Variants in PDZD2 observed in about 807,000 individuals in gnomAD.
The protein encoded by PDZD2 is PDZ domain containing 2.
Under a neutral mutation model 220.7 loss-of-function variants are expected in PDZD2, and 90 were observed. The ratio of observed to expected loss-of-function variants is 0.41; its 90% CI spans 0.34 to 0.49. PDZD2 has a LOEUF of 0.49. Among genes scored for constraint, PDZD2 ranks in the 20% least tolerant of loss-of-function variants. The pLI, the probability that PDZD2 is intolerant of heterozygous loss-of-function variation, is 0.28. For synonymous variants in PDZD2, 1,375 were observed against 1,450.5 expected (o/e 0.95, Z 1.18); for missense variants, 3,174 against 3,608.5 (o/e 0.88, Z 3.08).
At chr5:31,930,214 TTTTTTTTTTTG>T (rs58194005) in intron 2 of PDZD2, among the ~76,000 whole-genome samples, 74,221 of 118,650 alleles carry the variant, frequency 0.63, 22,958 homozygotes, top group East Asian at 0.72. Flanking sequence ...TTTTTTTTTT[TTTTTTTTTTTG>T]GAGACAGTCT....
At chr5:31,895,460 C>T (rs1219829612) in intron 2 of PDZD2, among the ~76,000 whole-genome samples, 1 of 152,216 alleles carries the variant, frequency 6.6e-6, no homozygotes, top group African/African-American at 2.4e-5. Context: ...GTACCTTGAT[C>T]TTGGCCTTCC....
intron 2 of PDZD2, among the ~76,000 whole-genome samples, chr5:31,910,006 C>T (rs564914737): frequency 2.0e-5 from 3 of 152,232 alleles, no homozygotes; most frequent in Admixed American, 2.0e-4. Flanking sequence ...TTTATGGATG[C>T]GTTTACTACG....
chr5:31,730,186 A>G (rs1749441774), intron 1 of PDZD2, among the ~76,000 whole-genome samples: 1 of 152,192 alleles, frequency 6.6e-6, no homozygotes, highest in African/African-American at 2.4e-5. Context: ...ATGTACTTCT[A>G]GCAAGATTTA....
Position 31,750,108 on chromosome 5 carries a change from A to C in PDZD2, c.-360-48781A>C, listed in dbSNP as rs138909730. 6.3e-3 allele frequency among the ~76,000 whole-genome samples: 953 copies of C among 152,304 alleles called. 6 individuals carry two copies. The highest frequency in any genetic ancestry group is 0.021 in the African/African-American group (886 of 41,558). ...GCCCTTCTTGTCCAACTTCATCATC[A>C]TCTGCCAGGAATCCCCAGGAACTGA... is the stretch of plus-strand genomic sequence containing the variant. On this transcript the variant is annotated intron_variant, in intron 1 of 24. Coordinates refer to ENST00000438447, the MANE Select transcript of PDZD2 (RefSeq NM_178140.4).
chr5:31,904,508 A>G (rs375356739), intron 2 of PDZD2, among the ~76,000 whole-genome samples: 4 of 152,164 alleles, frequency 2.6e-5, no homozygotes, highest in East Asian at 1.9e-4. Flanking sequence ...ACTGGAAATC[A>G]ATACTTGTTA....
At chr5:32,033,421 A>G (rs1485006636) in intron 6 of PDZD2, among the ~76,000 whole-genome samples, 1 of 152,220 alleles carries the variant, frequency 6.6e-6, no homozygotes, top group Non-Finnish European at 1.5e-5. Flanking sequence ...CTCAACGAAA[A>G]AACAGTTTTT....
At chr5:31,844,920 C>T (rs910910168) in intron 2 of PDZD2, among the ~76,000 whole-genome samples, 1 of 146,810 alleles carries the variant, frequency 6.8e-6, no homozygotes, top group Non-Finnish European at 1.5e-5. Flanking sequence ...TAGGTCAAAG[C>T]AGAAGACCTC....
At chr5:31,989,416 C>CTTTTTTTTTTTTTTTTTTTTTTATT (rs1385913596) in intron 3 of PDZD2, among the ~76,000 whole-genome samples, 36 of 120,624 alleles carry the variant, frequency 3.0e-4, no homozygotes, top group African/African-American at 1.2e-3. Context: ...ACCACATTTT[C>CTTTTTTTTTTTTTTTTTTTTTTATT]TTTTCTTTTT....
At chr5:31,691,620 G>GCTTTTATTCTCTTAT in intron 1 of PDZD2, among the ~76,000 whole-genome samples, 1 of 147,644 alleles carries the variant, frequency 6.8e-6, no homozygotes, top group East Asian at 2.0e-4. Context: ...TCTGGCCCCT[G>GCTTTTATTCTCTTAT]CTGATTGGTA....
At position 32,037,333 on chromosome 5, in the gene PDZD2, C is replaced by T. The variant is rs764036191; in HGVS notation, c.1510C>T (p.Arg504Cys). ...CAGCAATAAAATCAAGCTCAAGAGTCGCCTTTCAGGTAGGTGGGGGCTCTA... is the reference window on the plus strand; with the variant it reads ...CAGCAATAAAATCAAGCTCAAGAGTTGCCTTTCAGGTAGGTGGGGGCTCTA... ...QGSNKIKLKS[R>C]LSGGVHRLES... The change falls in exon 7 of 25, where the codon CGC (arginine) becomes TGC (cysteine). Residue 504 changes from arginine (R) to cysteine (C), a missense_variant. Transcript: ENST00000438447. The T allele has an allele frequency of 4.2e-5, 67 of 1,601,946 alleles. 1 individual carries two copies. The South Asian group carries it at 5.4e-4, about 13-fold the overall frequency.
At chr5:32,015,931 C>A (rs1203505644) in intron 6 of PDZD2, among the ~76,000 whole-genome samples, 1 of 152,192 alleles carries the variant, frequency 6.6e-6, no homozygotes, top group Non-Finnish European at 1.5e-5. Flanking sequence ...TTGTTTAGCA[C>A]ATCAATCAGG....
At chr5:31,736,266 C>T (rs1370826302) in intron 1 of PDZD2, among the ~76,000 whole-genome samples, 2 of 152,170 alleles carry the variant, frequency 1.3e-5, no homozygotes, top group African/African-American at 4.8e-5. Context: ...TGTCACTGCT[C>T]GCGTTCTGCC....
At chr5:32,041,353 G>A (rs964007767) in intron 7 of PDZD2, among the ~76,000 whole-genome samples, 19 of 152,284 alleles carry the variant, frequency 1.2e-4, no homozygotes, top group South Asian at 8.3e-4. Context: ...AAGAGACAGC[G>A]ACCATCGAGA....
intron 1 of PDZD2, among the ~76,000 whole-genome samples, chr5:31,689,098 C>T (rs1160015466): frequency 6.6e-6 from 1 of 151,512 alleles, no homozygotes; most frequent in Non-Finnish European, 1.5e-5. Context: ...GATAGAGTTT[C>T]GCTCTTGTCA....
chr5:31,761,813 A>G lies in PDZD2; in HGVS notation c.-360-37076A>G, dbSNP rs189514628. ...AAGGTGGAGGTTGCAGTGAGCCAAG[A>G]TCACACCGCTGCACTCCAGCCTGGG... On this transcript the variant is annotated intron_variant, in intron 1 of 24. Coordinates refer to ENST00000438447, the MANE Select transcript of PDZD2 (RefSeq NM_178140.4). 2.2e-3 allele frequency among the ~76,000 whole-genome samples: 329 copies of G among 151,370 alleles called. 1 individual carries two copies. Among genetic ancestry groups the G allele is most frequent in the South Asian group, 0.012 (58 of 4,758 alleles).
At chr5:31,799,801 G>T in intron 2 of PDZD2, 77 bp downstream of exon 2, 6 of 913,790 alleles carry the variant, frequency 6.6e-6, no homozygotes, top group Non-Finnish European at 1.8e-6. Context: ...AGCTGCAGAG[G>T]TTTATGAATC....
chr5:32,058,647 C>G (rs1359416880), intron 12 of PDZD2, among the ~76,000 whole-genome samples: 2 of 136,674 alleles, frequency 1.5e-5, no homozygotes, highest in Admixed American at 1.6e-4. Context: ...GCACTCTAGC[C>G]TGGGCAACAA....
At chr5:31,996,304 G>A (rs371331100) in intron 4 of PDZD2, among the ~76,000 whole-genome samples, 9 of 152,230 alleles carry the variant, frequency 5.9e-5, no homozygotes, top group Non-Finnish European at 8.8e-5. Context: ...TAGGCCAGGC[G>A]CAGTAGCTCA....
chr5:32,057,980 C>A lies in PDZD2; in HGVS notation c.2077C>A (p.Pro693Thr), dbSNP rs1357539869. Reference protein sequence around the residue: ...TPTHMSRSASPNFNTSGGASA... With the variant: ...TPTHMSRSASTNFNTSGGASA... ...CACACACATGAGCAGATCCGCCTCC[C>A]CGAACTTCAATACCAGTGGGGGAGC... Residue 693 changes from proline (P) to threonine (T), a missense_variant, in exon 12 of 25, where the codon CCG becomes ACG. Physicochemically the swap from Pro to Thr is conservative, Grantham distance 38. Transcript: ENST00000438447. 6.2e-7 allele frequency: 1 copy of A among 1,613,862 alleles called. No individual in the cohort carries two copies. Among genetic ancestry groups the A allele is most frequent in the South Asian group, 1.1e-5 (1 of 91,074 alleles).
Sources: allele counts gnomAD v4.1 joint callset (sites outside exome capture counted in the v4.1 genomes callset), GRCh38; gene constraint gnomAD v4.1.1; transcripts MANE v1.5; gene names NCBI Gene and HGNC (gene_info 2026-07-23, HGNC 2026-07-21).